MAP4K4: variants seen among roughly 807,000 people sequenced by gnomAD.
MAP4K4 encodes the protein mitogen-activated protein kinase kinase kinase kinase 4.
MAP4K4 carries 38 observed loss-of-function variants against 189.6 expected under a neutral mutation model. The observed-to-expected ratio is 0.20, with a 90% CI of 0.15 to 0.26. The LOEUF (loss-of-function observed/expected upper bound fraction) is 0.26. Among genes scored for constraint, MAP4K4 ranks in the 10% least tolerant of loss-of-function variants. MAP4K4 has a pLI of 1.00. For synonymous variants in MAP4K4, 610 were observed against 624.3 expected (o/e 0.98, Z 0.34); for missense variants, 1,054 against 1,726.9 (o/e 0.61, Z 6.91).
intron 2 of MAP4K4, among the ~76,000 whole-genome samples, chr2:101,757,921 A>G (rs1399745999): frequency 6.6e-6 from 1 of 152,190 alleles, no homozygotes; most frequent in Non-Finnish European, 1.5e-5. Context: ...GCTACTTGAG[A>G]GGCTGAGGCA....
At chr2:101,863,645 C>T (rs962486620) in intron 16 of MAP4K4, among the ~76,000 whole-genome samples, 176 bp from the exon 17 acceptor site, 1 of 152,184 alleles carries the variant, frequency 6.6e-6, no homozygotes, top group African/African-American at 2.4e-5. Context: ...ATACTGTGTT[C>T]CCAGACCACT....
chr2:101,773,773 A>G (rs1426765858), intron 2 of MAP4K4, among the ~76,000 whole-genome samples: 1 of 151,910 alleles, frequency 6.6e-6, no homozygotes, highest in African/African-American at 2.4e-5. Flanking sequence ...CCATCCTTCT[A>G]CTATATCTCC....
chr2:101,860,256 T>G (rs930377595), intron 15 of MAP4K4: 1 of 303,352 alleles, frequency 3.3e-6, no homozygotes, highest in African/African-American at 2.1e-5. Context: ...GATGTCAAGA[T>G]GCCCTGCTAG....
intron 2 of MAP4K4, among the ~76,000 whole-genome samples, chr2:101,776,991 G>A (rs1263569500): frequency 6.6e-6 from 1 of 152,040 alleles, no homozygotes; most frequent in Non-Finnish European, 1.5e-5. Flanking sequence ...TTTGCTTTCA[G>A]TGCTTAATTA....
chr2:101,858,711 A>C (rs1286803786), intron 13 of MAP4K4, among the ~76,000 whole-genome samples: 1 of 152,168 alleles, frequency 6.6e-6, no homozygotes, highest in African/African-American at 2.4e-5. Flanking sequence ...TACTGTTTTA[A>C]AATTCTGTAT....
chr2:101,882,238 T>G (rs1577359066), intron 27 of MAP4K4, among the ~76,000 whole-genome samples: 1 of 152,356 alleles, frequency 6.6e-6, no homozygotes, highest in East Asian at 1.9e-4. Flanking sequence ...ACACACGTTA[T>G]TACTGGTGAG....
intron 2 of MAP4K4, among the ~76,000 whole-genome samples, chr2:101,778,133 AGGTTGATGAAGGGGACCTGTG>A (rs1382739414): frequency 6.6e-6 from 1 of 152,158 alleles, no homozygotes; most frequent in Non-Finnish European, 1.5e-5. Context: ...CTCTCATCAA[AGGTTGATGAAGGGGACCTGTG>A]GGTCTGGGGG....
intron 30 of MAP4K4, 73 bp from the exon 31 acceptor site, chr2:101,887,705 T>G: frequency 8.4e-7 from 1 of 1,197,532 alleles, no homozygotes; most frequent in African/African-American, 1.5e-5. Flanking sequence ...TCACTAAGAG[T>G]CTTACTGAGC....
chr2:101,882,753 A>G, intron 28 of MAP4K4, 68 bp downstream of exon 28: 1 of 1,413,866 alleles, frequency 7.1e-7, no homozygotes, highest in African/African-American at 1.4e-5. Flanking sequence ...TAAACTTTAA[A>G]TTTTCACAGG....
intron 2 of MAP4K4, among the ~76,000 whole-genome samples, chr2:101,784,510 C>G (rs997886828): frequency 2.0e-5 from 3 of 152,012 alleles, no homozygotes; most frequent in Non-Finnish European, 2.9e-5. Context: ...TCAGATTAAA[C>G]TCAGCAGATA....
At chr2:101,706,474 C>T (rs1429159729) in intron 2 of MAP4K4, among the ~76,000 whole-genome samples, 2 of 152,158 alleles carry the variant, frequency 1.3e-5, no homozygotes, top group Admixed American at 6.5e-5. Flanking sequence ...GCCCCCACAT[C>T]GCTTTTAGTT....
intron 13 of MAP4K4, among the ~76,000 whole-genome samples, chr2:101,858,740 T>G (rs1044328339): frequency 1.2e-4 from 19 of 152,244 alleles, no homozygotes; most frequent in Admixed American, 1.2e-3. Context: ...AACAGCTGTG[T>G]TCTAACAGAA....
chr2:101,889,768 C>T (rs1239242204), intron 32 of MAP4K4, among the ~76,000 whole-genome samples: 2 of 150,656 alleles, frequency 1.3e-5, no homozygotes, highest in Non-Finnish European at 2.9e-5. Context: ...GACTAGCAGT[C>T]AGCCCAGTTC....
chr2:101,778,408 C>G (rs1293358591), intron 2 of MAP4K4, among the ~76,000 whole-genome samples: 2 of 152,064 alleles, frequency 1.3e-5, no homozygotes, highest in African/African-American at 4.8e-5. Flanking sequence ...TTCCTTTACA[C>G]TGATAGCCCA....
chr2:101,729,905 G>A (rs1369269058), intron 2 of MAP4K4, among the ~76,000 whole-genome samples: 2 of 152,168 alleles, frequency 1.3e-5, no homozygotes, highest in Non-Finnish European at 2.9e-5. Context: ...TTGAGGGCAG[G>A]TTTGTGTTTC....
intron 16 of MAP4K4, among the ~76,000 whole-genome samples, chr2:101,862,967 G>T (rs550692857): frequency 1.2e-4 from 18 of 152,230 alleles, no homozygotes; most frequent in Non-Finnish European, 2.5e-4. Context: ...TTGCCATATT[G>T]AACAATCATT....
chr2:101,817,708 T>C (rs1467744577), intron 3 of MAP4K4, among the ~76,000 whole-genome samples: 1 of 152,204 alleles, frequency 6.6e-6, no homozygotes, highest in East Asian at 1.9e-4. Flanking sequence ...GGTCCAGGGC[T>C]TCAGGCCATT....
intron 3 of MAP4K4, among the ~76,000 whole-genome samples, chr2:101,801,075 C>T (rs2094320424): frequency 6.6e-6 from 1 of 152,114 alleles, no homozygotes; most frequent in Admixed American, 6.5e-5. Flanking sequence ...ATCCCATCTC[C>T]TTTCCCCAGC....
chr2:101,838,778 G>C (rs2096836652), intron 9 of MAP4K4, among the ~76,000 whole-genome samples: 1 of 152,200 alleles, frequency 6.6e-6, no homozygotes, highest in East Asian at 1.9e-4. Context: ...GGAAATACCA[G>C]ACAATAGAAG....
Sources: gnomAD v4.1 joint callset for allele counts (sites outside exome capture counted in the v4.1 genomes callset) on GRCh38, gnomAD v4.1.1 for gene constraint, MANE v1.5 for transcripts, NCBI Gene and HGNC (gene_info 2026-07-23, HGNC 2026-07-21) for gene names.